IGF2R: variants seen among roughly 807,000 people sequenced by gnomAD.
IGF2R encodes insulin like growth factor 2 receptor.
Under a neutral mutation model 270.6 loss-of-function variants are expected in IGF2R, and 91 were observed. The ratio of observed to expected loss-of-function variants is 0.34; its 90% CI spans 0.28 to 0.40. The LOEUF (loss-of-function observed/expected upper bound fraction) is 0.40, where lower values mean the gene tolerates loss of function less well. Among genes scored for constraint, IGF2R ranks in the 10% least tolerant of loss-of-function variants. IGF2R has a pLI of 1.00. For synonymous variants in IGF2R, 1,316 were observed against 1,258.9 expected (o/e 1.05, Z -0.96); for missense variants, 2,805 against 3,188.3 (o/e 0.88, Z 2.90).
intron 19 of IGF2R, among the ~76,000 whole-genome samples, chr6:160,051,801 T>TA (rs1355195738): frequency 1.3e-5 from 2 of 151,610 alleles, no homozygotes; most frequent in African/African-American, 2.4e-5. Context: ...TACAAAAAAT[T>TA]TAAAAAAAAA....
intron 4 of IGF2R, among the ~76,000 whole-genome samples, chr6:160,012,986 G>A (rs1784362024): frequency 6.6e-6 from 1 of 151,936 alleles, no homozygotes; most frequent in South Asian, 2.1e-4. Context: ...CCTGTGGGAG[G>A]TGGAGGCTGC....
intron 6 of IGF2R, among the ~76,000 whole-genome samples, chr6:160,028,901 C>CT (rs765117614): frequency 2.7e-5 from 4 of 150,910 alleles, no homozygotes; most frequent in South Asian, 4.2e-4. Flanking sequence ...GTGTTTCTTC[C>CT]TTTTTTTAAA....
rs1779638918 is a variant in IGF2R, at chr6:160,107,127, C to T, written c.*2043C>T. 1 of 152,136 alleles carries T rather than the reference C, an allele frequency of 6.6e-6. No homozygotes were observed. The highest frequency in any genetic ancestry group is 1.5e-5 in the Non-Finnish European group (1 of 68,032). The allele number at this position is 152,136 out of a possible 1,614,324, so 9.4% of individuals were successfully genotyped here. ...TTTTTAAAAAAGTTATTCTTAAGGA[C>T]TTTCCAATACCTCTCCTGAGGAAGA... is the stretch of plus-strand genomic sequence containing the variant. On this transcript the variant is annotated 3_prime_UTR_variant, in exon 48 of 48. Coordinates refer to ENST00000356956, the MANE Select transcript of IGF2R (RefSeq NM_000876.4).
intron 4 of IGF2R, among the ~76,000 whole-genome samples, chr6:160,024,258 C>T (rs543813052): frequency 6.6e-6 from 1 of 152,168 alleles, no homozygotes; most frequent in African/African-American, 2.4e-5. Context: ...ATGTAGGGAC[C>T]AGGAAGGACG....
intron 11 of IGF2R, among the ~76,000 whole-genome samples, chr6:160,041,760 T>A (rs562506389): frequency 6.6e-6 from 1 of 152,210 alleles, no homozygotes; most frequent in Non-Finnish European, 1.5e-5. Flanking sequence ...CTGGCAGTGC[T>A]GTTGTGGTTA....
chr6:160,074,573 T>G (rs183993483), intron 35 of IGF2R, among the ~76,000 whole-genome samples: 71 of 152,378 alleles, frequency 4.7e-4, no homozygotes, highest in African/African-American at 1.7e-3. Flanking sequence ...AGTGCCTGGC[T>G]TACTAGCATG....
At chr6:160,089,309 A>G (rs1057508098) in intron 43 of IGF2R, 56 bp downstream of exon 43, 12 of 1,502,804 alleles carry the variant, frequency 8.0e-6, no homozygotes, top group Non-Finnish European at 1.1e-5. Flanking sequence ...TAAACCAGCA[A>G]TGCCGCTCTT....
rs58646750 is a variant in IGF2R at position 160,022,013 on chromosome 6, A to AACACACACACACACAC, written c.514-2546_514-2531dup. ...CCCACCAACGGATGACTAGGTAAAG[A>AACACACACACACACAC]ACACACACACACACACACACACACA... On this transcript the variant is annotated intron_variant, in intron 4 of 47. Coordinates refer to ENST00000356956, the MANE Select transcript of IGF2R (RefSeq NM_000876.4). Among the ~76,000 whole-genome samples, 689 of 142,832 alleles carry AACACACACACACACAC rather than the reference A, an allele frequency of 4.8e-3. 4 individuals carry two copies. The highest frequency in any genetic ancestry group is 0.02 in the South Asian group (88 of 4,466). 93.7% of individuals were successfully genotyped at this position (142,832 alleles called of 152,430 possible). A position where few individuals can be genotyped will look rare whatever the true frequency, so the allele number is the denominator to read the frequency against.
chr6:159,976,323 T>A (rs147775712), intron 1 of IGF2R, among the ~76,000 whole-genome samples: 3 of 152,162 alleles, frequency 2.0e-5, no homozygotes, highest in Non-Finnish European at 1.5e-5. Context: ...ACTCTCATAT[T>A]TTTGATACTC....
rs990783708 is a variant in IGF2R at position 160,108,546 on chromosome 6, G to A, written c.*3462G>A. The A allele has an allele frequency of 6.6e-6, 1 of 152,296 alleles. No homozygotes were observed. The highest frequency in any genetic ancestry group is 1.5e-5 in the Non-Finnish European group (1 of 68,110). 9.4% of individuals were successfully genotyped at this position (152,296 alleles called of 1,614,324 possible). A position where few individuals can be genotyped will look rare whatever the true frequency, so the allele number is the denominator to read the frequency against. On this transcript the variant is annotated 3_prime_UTR_variant, in exon 48 of 48. Coordinates refer to ENST00000356956, the MANE Select transcript of IGF2R (RefSeq NM_000876.4). ...GGCATGGGAGCTGTGGCTGTGCTGA[G>A]CTGAGAAGCCTCAGACTGCCTGCGA...
intron 39 of IGF2R, among the ~76,000 whole-genome samples, chr6:160,081,731 A>C (rs10945650): frequency 0.2 from 29,998 of 152,194 alleles, 3,000 homozygotes; most frequent in Middle Eastern, 0.23. Context: ...GCTGTTAATT[A>C]TTAAAATTCC....
At chr6:160,016,053 C>G (rs1448405655) in intron 4 of IGF2R, among the ~76,000 whole-genome samples, 1 of 152,200 alleles carries the variant, frequency 6.6e-6, no homozygotes, top group Non-Finnish European at 1.5e-5. Flanking sequence ...ATAAATTACC[C>G]AGTCTCAGGT....
chr6:160,018,769 CAA>C (rs1777362217), intron 4 of IGF2R, among the ~76,000 whole-genome samples: 1 of 151,702 alleles, frequency 6.6e-6, no homozygotes. Context: ...AAAATTGAAA[CAA>C]ATGAAAGTGG....
intron 4 of IGF2R, among the ~76,000 whole-genome samples, chr6:160,013,382 C>A (rs1784368167): frequency 7.9e-6 from 1 of 125,846 alleles, no homozygotes; most frequent in Non-Finnish European, 1.7e-5. Flanking sequence ...CTGCAAAACC[C>A]AAAATGTAGA....
rs1778103425 is a variant in IGF2R, at chr6:160,047,838, C to T, written c.2276C>T (p.Ala759Val). 1.9e-6 allele frequency: 3 copies of T among 1,614,146 alleles called. No individual in the cohort carries two copies. Among genetic ancestry groups the T allele is most frequent in the Non-Finnish European group, 2.5e-6 (3 of 1,179,952 alleles). Reference sequence around the variant, plus strand: ...AACTTCCGGTGGTACACCAGCTATGCCTGCCCGGAGGAGCCCCTGGAATGC... The same window carrying T: ...AACTTCCGGTGGTACACCAGCTATGTCTGCCCGGAGGAGCCCCTGGAATGC... ...TYNFRWYTSYACPEEPLECVV... is the reference protein window; with the variant it reads ...TYNFRWYTSYVCPEEPLECVV... The change falls in exon 17 of 48, where the codon GCC becomes GTC. Residue 759 changes from alanine to valine, a missense_variant. Transcript: ENST00000356956.
intron 19 of IGF2R, among the ~76,000 whole-genome samples, chr6:160,052,815 A>T (rs1314770580): frequency 6.6e-6 from 1 of 152,236 alleles, no homozygotes; most frequent in Non-Finnish European, 1.5e-5. Flanking sequence ...CAAACCTGAC[A>T]AAAACAAGAA....
intron 4 of IGF2R, among the ~76,000 whole-genome samples, chr6:160,011,219 T>C (rs1437925272): frequency 1.3e-5 from 2 of 152,228 alleles, no homozygotes; most frequent in Non-Finnish European, 2.9e-5. Flanking sequence ...CTCCTTTACC[T>C]GTTTGCATTG....
rs1038690434 is a variant in IGF2R, at chr6:160,109,240, C to T, written c.*4156C>T. 3 of 152,264 alleles carry T rather than the reference C, an allele frequency of 2.0e-5. No homozygotes were observed. The highest frequency in any genetic ancestry group is 6.5e-5 in the Admixed American group (1 of 15,302). 9.4% of individuals were successfully genotyped at this position (152,264 alleles called of 1,614,324 possible). A position where few individuals can be genotyped will look rare whatever the true frequency, so the allele number is the denominator to read the frequency against. The stretch of plus-strand genomic sequence containing the variant: ...GAGGTCATCTGGTGCCACTCAGCCC[C>T]ATCCCAGAGAAAGCAGCCTTGGGAT... On this transcript the variant is annotated 3_prime_UTR_variant, in exon 48 of 48. Coordinates refer to ENST00000356956, the MANE Select transcript of IGF2R (RefSeq NM_000876.4).
intron 38 of IGF2R, 109 bp from the exon 39 acceptor site, chr6:160,080,020 G>T: frequency 7.5e-7 from 1 of 1,334,208 alleles, no homozygotes. Context: ...CGGTTGTCAC[G>T]TAGGTGCTTT....
Sources: allele counts gnomAD v4.1 joint callset (sites outside exome capture counted in the v4.1 genomes callset), GRCh38; gene constraint gnomAD v4.1.1; transcripts MANE v1.5; gene names NCBI Gene and HGNC (gene_info 2026-07-23, HGNC 2026-07-21).